The following ETS1 variants were observed in gnomAD, a reference collection of about 807,000 sequenced individuals.
The protein encoded by ETS1 is ETS proto-oncogene 1, transcription factor.
ETS1 carries 15 observed loss-of-function variants against 58.6 expected under a neutral mutation model. The ratio of observed to expected loss-of-function variants is 0.26; its 90% CI spans 0.17 to 0.39. The LOEUF is 0.39. Among genes scored for constraint, ETS1 ranks in the 10% least tolerant of loss-of-function variants. ETS1 has a pLI of 1.00. For synonymous variants in ETS1, 214 were observed against 218.2 expected (o/e 0.98, Z 0.17); for missense variants, 417 against 610.5 (o/e 0.68, Z 3.34).
chr11:128,521,897 G>T (rs76336142), intron 3 of ETS1: 2 of 1,587,386 alleles, frequency 1.3e-6, no homozygotes, highest in Admixed American at 1.7e-5. Flanking sequence ...TGGGGGCCTC[G>T]GCCGTCGCCA....
chr11:128,488,277 A>AT (rs1446251871), intron 5 of ETS1, among the ~76,000 whole-genome samples: 1 of 152,212 alleles, frequency 6.6e-6, no homozygotes, highest in African/African-American at 2.4e-5. Context: ...TCTTTCCTGT[A>AT]TTCCTTTATG....
intron 7 of ETS1, among the ~76,000 whole-genome samples, chr11:128,484,001 G>T (rs936062543): frequency 6.6e-6 from 1 of 152,126 alleles, no homozygotes; most frequent in Non-Finnish European, 1.5e-5. Context: ...ACAATAGATT[G>T]CATTTTTCTC....
chr11:128,571,541 A>C (rs1438647560), intron 2 of ETS1, among the ~76,000 whole-genome samples: 2 of 124,122 alleles, frequency 1.6e-5, no homozygotes, highest in East Asian at 2.5e-4. Context: ...AAAAAAAAAA[A>C]AACTTCAAAC....
In ETS1 at chr11:128,578,206, A is replaced by G. The variant is rs1272280132; in HGVS notation, c.-14-5062T>C. 2.0e-5 allele frequency among the ~76,000 whole-genome samples: 3 copies of G among 152,100 alleles called. No homozygotes were observed. The East Asian group carries it at 5.8e-4, about 29-fold the overall frequency. On this transcript the variant is annotated intron_variant, in intron 1 of 9. Coordinates refer to ENST00000392668, the MANE Select transcript of ETS1 (RefSeq NM_001143820.2). The stretch of plus-strand genomic sequence containing the variant: ...CACTTCCTTTCACCCAAAGCTTGCC[A>G]GGGCAGGGCAGGGCAGGTTGAGAGA...
Position 128,489,507 on chromosome 11 carries a change from G to A in ETS1, c.335-17C>T. 1.2e-6 allele frequency: 2 copies of A among 1,610,074 alleles called. No homozygotes were observed. The highest frequency in any genetic ancestry group is 1.7e-6 in the Non-Finnish European group (2 of 1,177,346). On this transcript the variant is annotated splice_polypyrimidine_tract_variant and intron_variant, in intron 4 of 9. Coordinates refer to ENST00000392668, the MANE Select transcript of ETS1 (RefSeq NM_001143820.2). ...GCCGGGGGTCTGAGGAAAGAGATCA[G>A]ATGAAGATCCAGCAGGTCGGGCTTT...
At chr11:128,562,125 G>A (rs769744420) in intron 2 of ETS1, among the ~76,000 whole-genome samples, 18 of 152,320 alleles carry the variant, frequency 1.2e-4, no homozygotes, top group South Asian at 4.1e-4. Context: ...GGTCTTGGCC[G>A]GACGCGGTGG....
At chr11:128,499,617 G>T (rs1565383104) in intron 3 of ETS1, among the ~76,000 whole-genome samples, 1 of 152,168 alleles carries the variant, frequency 6.6e-6, no homozygotes. Context: ...AAATGATGGG[G>T]CATGATAACA....
chr11:128,467,742 T>G (rs1862076360), intron 8 of ETS1, among the ~76,000 whole-genome samples: 1 of 152,184 alleles, frequency 6.6e-6, no homozygotes, highest in Non-Finnish European at 1.5e-5. Flanking sequence ...CCCTTCACGA[T>G]GCTGCCCGGG....
chr11:128,489,263 C>T (rs758080383), intron 5 of ETS1, 27 bp downstream of exon 5: 146 of 1,603,480 alleles, frequency 9.1e-5, no homozygotes, highest in Non-Finnish European at 1.2e-4. Flanking sequence ...ACATAACCTC[C>T]ACCTCTCTCT....
chr11:128,468,675 G>A (rs1374319479), intron 8 of ETS1, among the ~76,000 whole-genome samples: 1 of 152,108 alleles, frequency 6.6e-6, no homozygotes, highest in Non-Finnish European at 1.5e-5. Flanking sequence ...CACCTTCCCA[G>A]GCAGTCTCCT....
chr11:128,569,197 C>T (rs1380577435), intron 2 of ETS1, among the ~76,000 whole-genome samples: 6 of 152,126 alleles, frequency 3.9e-5, no homozygotes, highest in Non-Finnish European at 8.8e-5. Flanking sequence ...AACAATGAGA[C>T]ACATCTCCAG....
chr11:128,469,349 G>C (rs527575641), intron 8 of ETS1, among the ~76,000 whole-genome samples: 2 of 152,192 alleles, frequency 1.3e-5, no homozygotes, highest in Non-Finnish European at 2.9e-5. Context: ...AGAGGAACAG[G>C]CCTGCTGGCC....
intron 3 of ETS1, among the ~76,000 whole-genome samples, chr11:128,531,129 C>A (rs1409758381): frequency 6.6e-6 from 1 of 152,182 alleles, no homozygotes; most frequent in Non-Finnish European, 1.5e-5. Context: ...TCTAAAATAA[C>A]CAGGGAGGCA....
intron 3 of ETS1, among the ~76,000 whole-genome samples, chr11:128,514,925 C>T (rs1475721064): frequency 6.6e-6 from 1 of 152,102 alleles, no homozygotes; most frequent in East Asian, 1.9e-4. Context: ...AATTTCCTTT[C>T]ATTCATTCTT....
At position 128,462,027 on chromosome 11, in the gene ETS1, A is replaced by C. The variant is rs868525969; in HGVS notation, c.*334T>G. The C allele has an allele frequency of 1.2e-5, 3 of 241,240 alleles. No individual in the cohort carries two copies. Among genetic ancestry groups the C allele is most frequent in the Middle Eastern group, 1.4e-3 (1 of 692 alleles). 14.9% of individuals were successfully genotyped at this position (241,240 alleles called of 1,614,324 possible). On this transcript the variant is annotated 3_prime_UTR_variant, in exon 10 of 10. Transcript: ENST00000392668. ...TCACTTGCTAATGGGTCCACAACTC[A>C]AGACACTTTTTCATGGATGATTTTT...
chr11:128,537,415 T>C (rs998468456), intron 3 of ETS1, among the ~76,000 whole-genome samples: 4 of 152,118 alleles, frequency 2.6e-5, no homozygotes, highest in African/African-American at 7.2e-5. Context: ...AAAGCTGTCA[T>C]TGGGAGGTGG....
intron 1 of ETS1, among the ~76,000 whole-genome samples, chr11:128,576,183 G>GA (rs1160475678): frequency 6.6e-6 from 1 of 152,170 alleles, no homozygotes; most frequent in Non-Finnish European, 1.5e-5. Flanking sequence ...CTCGTCTCAG[G>GA]AAATAACTCT....
intron 3 of ETS1, among the ~76,000 whole-genome samples, chr11:128,507,507 C>T (rs192334212): frequency 1.3e-5 from 2 of 152,324 alleles, no homozygotes; most frequent in South Asian, 2.1e-4. Context: ...CACACAGTGG[C>T]GCACAGCTGT....
chr11:128,566,243 C>T (rs1864492502), intron 2 of ETS1, among the ~76,000 whole-genome samples: 1 of 152,112 alleles, frequency 6.6e-6, no homozygotes, highest in Non-Finnish European at 1.5e-5. Context: ...AAGCGGAAAT[C>T]CTCACCCCTT....
Sources: allele counts gnomAD v4.1 joint callset (sites outside exome capture counted in the v4.1 genomes callset), GRCh38; gene constraint gnomAD v4.1.1; transcripts MANE v1.5; gene names NCBI Gene and HGNC (gene_info 2026-07-23, HGNC 2026-07-21).